The following RABGAP1L variants were observed in gnomAD, a reference collection of about 807,000 sequenced individuals.
RABGAP1L encodes the protein RAB GTPase activating protein 1 like.
RABGAP1L carries 63 observed loss-of-function variants against 137.7 expected under a neutral mutation model. The ratio of observed to expected loss-of-function variants is 0.46; its 90% CI spans 0.37 to 0.56. RABGAP1L has a LOEUF of 0.56. Among genes scored for constraint, RABGAP1L ranks in the 20% least tolerant of loss-of-function variants. RABGAP1L has a pLI of 0.00. For synonymous variants in RABGAP1L, 431 were observed against 433.7 expected (o/e 0.99, Z 0.08); for missense variants, 1,095 against 1,244.0 (o/e 0.88, Z 1.80).
chr1:174,398,119 T>C (rs1009116636), intron 13 of RABGAP1L, among the ~76,000 whole-genome samples: 5 of 152,186 alleles, frequency 3.3e-5, no homozygotes, highest in African/African-American at 1.2e-4. Context: ...CAAGGGCTCA[T>C]TACCTGCCTA....
At chr1:174,867,347 A>T (rs1395442219) in intron 19 of RABGAP1L, among the ~76,000 whole-genome samples, 1 of 151,920 alleles carries the variant, frequency 6.6e-6, no homozygotes, top group Non-Finnish European at 1.5e-5. Flanking sequence ...CGCCAAAAAA[A>T]AAAGATAGAT....
chr1:174,372,190 C>T (rs1163324401), intron 12 of RABGAP1L, among the ~76,000 whole-genome samples: 1 of 151,956 alleles, frequency 6.6e-6, no homozygotes, highest in African/African-American at 2.4e-5. Flanking sequence ...GGGTCAGAAT[C>T]TAATTTAAAG....
chr1:174,272,365 A>T (rs750883567), intron 7 of RABGAP1L, 49 bp from the exon 8 acceptor site: 1 of 1,579,658 alleles, frequency 6.3e-7, no homozygotes, highest in Non-Finnish European at 8.6e-7. Flanking sequence ...CTGGGCTTCT[A>T]TATATTCTTG....
chr1:174,260,705 C>T (rs1007406233), intron 7 of RABGAP1L, among the ~76,000 whole-genome samples: 1 of 152,168 alleles, frequency 6.6e-6, no homozygotes, highest in Non-Finnish European at 1.5e-5. Context: ...TGCATACTAA[C>T]ACATTGATAT....
At position 174,457,640 on chromosome 1, in the gene RABGAP1L, C is replaced by G. The variant is rs1656192391; in HGVS notation, c.1710+63495C>G. 1.3e-5 allele frequency among the ~76,000 whole-genome samples: 2 copies of G among 151,800 alleles called. 1 individual carries two copies. The highest frequency in any genetic ancestry group is 4.2e-4 in the South Asian group (2 of 4,818). On this transcript the variant is annotated intron_variant, in intron 13 of 25. Transcript: ENST00000681986. ...GCCTCAGCCTCCCAAGTAGCTGGGA[C>G]TACAGGTGTGTGCCACCACGCCTAG...
intron 1 of RABGAP1L, among the ~76,000 whole-genome samples, chr1:174,165,131 T>A (rs185733993): frequency 1.3e-5 from 2 of 152,238 alleles, no homozygotes; most frequent in East Asian, 3.9e-4. Context: ...TATAAGAGTT[T>A]AGAGAGGAGG....
In RABGAP1L at chr1:174,607,009, A is replaced by G. The variant is rs150959213; in HGVS notation, c.1711-30366A>G. ...CTTGGGAATTGCTTTTCCCAACACT[A>G]TGATATTAGTAATCTGGGTAGGACT... is the stretch of plus-strand genomic sequence containing the variant. On this transcript the variant is annotated intron_variant, in intron 13 of 25. Coordinates refer to ENST00000681986, the MANE Select transcript of RABGAP1L (RefSeq NM_001366446.1). Among the ~76,000 whole-genome samples the G allele has an allele frequency of 5.0e-3, 755 of 152,312 alleles. 6 individuals carry two copies. The highest frequency in any genetic ancestry group is 0.017 in the African/African-American group (692 of 41,588).
intron 13 of RABGAP1L, among the ~76,000 whole-genome samples, chr1:174,474,790 A>G (rs1361027668): frequency 6.6e-6 from 1 of 151,894 alleles, no homozygotes; most frequent in South Asian, 2.1e-4. Context: ...TTTAGTAGAG[A>G]CAGGGTTTTA....
chr1:174,350,258 G>A (rs2148925723), intron 11 of RABGAP1L, among the ~76,000 whole-genome samples: 1 of 132,686 alleles, frequency 7.5e-6, no homozygotes, highest in East Asian at 2.5e-4. Flanking sequence ...CCCAGATGGG[G>A]TGGCTGCCGG....
At chr1:174,896,152 G>A (rs1334125025) in intron 19 of RABGAP1L, among the ~76,000 whole-genome samples, 11 of 152,164 alleles carry the variant, frequency 7.2e-5, no homozygotes, top group Admixed American at 6.5e-4. Flanking sequence ...GTGTGAGATG[G>A]TATCTCATTG....
intron 1 of RABGAP1L, among the ~76,000 whole-genome samples, chr1:174,177,969 T>G (rs1666030364): frequency 6.6e-6 from 1 of 152,226 alleles, no homozygotes; most frequent in South Asian, 2.1e-4. Flanking sequence ...TATGGATTGT[T>G]TTTTGGTTCC....
chr1:174,671,593 T>C (rs1210379600), intron 14 of RABGAP1L, among the ~76,000 whole-genome samples: 1 of 152,250 alleles, frequency 6.6e-6, no homozygotes, highest in Non-Finnish European at 1.5e-5. Flanking sequence ...CTTCTTCTAA[T>C]GTGATGTATC....
chr1:174,691,950 T>C (rs1678905840), intron 15 of RABGAP1L, among the ~76,000 whole-genome samples: 1 of 152,122 alleles, frequency 6.6e-6, no homozygotes, highest in South Asian at 2.1e-4. Context: ...TTTATGCCGA[T>C]TGAGGGATAA....
chr1:174,961,028 TTC>T (rs1669043798), intron 20 of RABGAP1L, among the ~76,000 whole-genome samples: 3 of 152,240 alleles, frequency 2.0e-5, no homozygotes, highest in Admixed American at 2.0e-4. Context: ...CCTTTACTCT[TTC>T]TGTTTTTCTT....
intron 13 of RABGAP1L, 61 bp from the exon 14 acceptor site, chr1:174,637,314 A>G (rs1484983949): frequency 1.5e-5 from 17 of 1,151,254 alleles, no homozygotes; most frequent in Non-Finnish European, 2.1e-5. Flanking sequence ...CCATGTGTAT[A>G]TATTATATTT....
At chr1:174,472,781 G>A (rs1658087278) in intron 13 of RABGAP1L, among the ~76,000 whole-genome samples, 1 of 152,150 alleles carries the variant, frequency 6.6e-6, no homozygotes, top group Admixed American at 6.5e-5. Context: ...AGTTTAACAT[G>A]CATCACATTG....
intron 11 of RABGAP1L, among the ~76,000 whole-genome samples, chr1:174,358,993 T>C (rs1158695039): frequency 6.6e-6 from 1 of 152,218 alleles, no homozygotes; most frequent in Non-Finnish European, 1.5e-5. Context: ...GGGCAGTATT[T>C]AACCCAGCCA....
At chr1:174,584,100 G>A (rs1200336122) in intron 13 of RABGAP1L, among the ~76,000 whole-genome samples, 1 of 152,112 alleles carries the variant, frequency 6.6e-6, no homozygotes. Context: ...AACATGGGGT[G>A]GGGCGGGGAA....
chr1:174,849,837 T>A (rs192656202), intron 19 of RABGAP1L: 11 of 556,512 alleles, frequency 2.0e-5, no homozygotes, highest in Non-Finnish European at 3.2e-5. Flanking sequence ...AATTTTGCCT[T>A]TGGGAATGAT....
Sources: gnomAD v4.1 joint callset for allele counts (sites outside exome capture counted in the v4.1 genomes callset) on GRCh38, gnomAD v4.1.1 for gene constraint, MANE v1.5 for transcripts, NCBI Gene and HGNC (gene_info 2026-07-23, HGNC 2026-07-21) for gene names.